The following SHOC1 variants were observed in gnomAD, a reference collection of about 807,000 sequenced individuals.
SHOC1 encodes the protein protein shortage in chiasmata 1 ortholog.
SHOC1 carries 136 observed loss-of-function variants against 179.2 expected under a neutral mutation model. That is an observed-to-expected ratio of 0.76 (90% CI 0.66 to 0.87). SHOC1 has a LOEUF of 0.87. SHOC1 is among the 40% of genes least tolerant of loss of function. The probability of loss-of-function intolerance (pLI) is 0.00; values close to 1 mark genes in which losing one functional copy is unlikely to be tolerated. For missense variants in SHOC1, 1,538 were observed against 1,700.8 expected (o/e 0.90, Z 1.68); for synonymous variants, 489 against 586.6 (o/e 0.83, Z 2.41).
intron 2 of SHOC1, among the ~76,000 whole-genome samples, chr9:111,790,738 G>A (rs1291661074): frequency 2.0e-5 from 3 of 152,044 alleles, no homozygotes; most frequent in Non-Finnish European, 4.4e-5. Flanking sequence ...AGTAGAGACA[G>A]GGTTTCACCA....
At position 111,758,782 on chromosome 9, in the gene SHOC1, G is replaced by C. The variant is rs1332893725; in HGVS notation, c.509C>G (p.Thr170Ser). ...SSRKHLPTLP[T>S]LLSRLKLFLV... ...AAACAGTTTTAGTCTACTCAAGAGA[G>C]TAGGCAAAGTTGGTAGGTGTTTTCT... is the stretch of plus-strand genomic sequence containing the variant. Residue 170 changes from threonine to serine, a missense_variant, in exon 6 of 28, where the codon ACT (threonine) becomes AGT (serine). By Grantham distance (58) the Thr-to-Ser change is moderately conservative (BLOSUM62 1). Transcript: ENST00000682961. The C allele has an allele frequency of 1.3e-6, 2 of 1,598,576 alleles. No individual in the cohort carries two copies. Among genetic ancestry groups the C allele is most frequent in the Non-Finnish European group, 1.7e-6 (2 of 1,170,522 alleles).
At chr9:111,707,080 G>A (rs1360725880) in intron 19 of SHOC1, among the ~76,000 whole-genome samples, 1 of 151,752 alleles carries the variant, frequency 6.6e-6, no homozygotes, top group Non-Finnish European at 1.5e-5. Context: ...ACAAATATAA[G>A]GTCTTAATCT....
Position 111,706,710 on chromosome 9 carries a change from A to G in SHOC1, c.2595T>C (p.Ile865=). The G allele has an allele frequency of 6.2e-7, 1 of 1,607,194 alleles. No individual in the cohort carries two copies. The highest frequency in any genetic ancestry group is 8.5e-7 in the Non-Finnish European group (1 of 1,176,698). ...AATTACTCCAGGGGAAATCTGCTCC[A>G]ATATATTGATTATGTACAACTACAC... The part of the protein sequence containing the change: ...SSCVVVHNQY[I]GADFPWSNFS... Residue 865 remains isoleucine (I), a synonymous_variant, in exon 20 of 28, where the codon ATT becomes ATC. Transcript: ENST00000682961.
chr9:111,794,458 C>A (rs1836557048), intron 1 of SHOC1, among the ~76,000 whole-genome samples: 1 of 152,002 alleles, frequency 6.6e-6, no homozygotes, highest in Non-Finnish European at 1.5e-5. Flanking sequence ...GTGGAGGACG[C>A]CTGTAGTCCC....
intron 7 of SHOC1, among the ~76,000 whole-genome samples, chr9:111,756,993 G>A (rs1834891296): frequency 6.6e-6 from 1 of 152,112 alleles, no homozygotes; most frequent in Non-Finnish European, 1.5e-5. Context: ...GCCTATTGGT[G>A]AATTAACCTT....
intron 23 of SHOC1, 70 bp from the exon 24 acceptor site, chr9:111,700,117 G>T: frequency 2.3e-6 from 2 of 854,696 alleles, no homozygotes; most frequent in Admixed American, 2.6e-5. Context: ...AATTCATTTT[G>T]TTTTCCACAT....
chr9:111,743,699 T>C (rs922839218), intron 10 of SHOC1, among the ~76,000 whole-genome samples: 1 of 152,234 alleles, frequency 6.6e-6, no homozygotes, highest in African/African-American at 2.4e-5. Context: ...GGCTAATTTA[T>C]AAATTAAACT....
chr9:111,719,120 G>T (rs1165595127), intron 15 of SHOC1, among the ~76,000 whole-genome samples: 1 of 152,102 alleles, frequency 6.6e-6, no homozygotes, highest in Non-Finnish European at 1.5e-5. Context: ...GGACTTGTGG[G>T]AACAAGTCAA....
In SHOC1 at chr9:111,686,891, A is replaced by G. The variant is rs1450693860; in HGVS notation, c.4427-21T>C. ...AAAACCTGTTAAAAGGAGAAAAAGG[A>G]AAACCATTTTATTGCTTACAATAGT... On this transcript the variant is annotated intron_variant, in intron 27 of 27. Transcript: ENST00000682961. The G allele has an allele frequency of 2.0e-6, 3 of 1,491,836 alleles. No individual in the cohort carries two copies. The African/African-American group carries it at 4.2e-5, about 21-fold the overall frequency. 92.4% of individuals were successfully genotyped at this position (1,491,836 alleles called of 1,614,324 possible).
At chr9:111,776,547 G>A (rs78670346) in intron 4 of SHOC1, among the ~76,000 whole-genome samples, 28,639 of 152,020 alleles carry the variant, frequency 0.19, 2,893 homozygotes, top group Non-Finnish European at 0.22. Flanking sequence ...GTTCTGTTCC[G>A]TAACCTGGGA....
chr9:111,775,140 G>A (rs922502895), intron 5 of SHOC1, among the ~76,000 whole-genome samples: 1 of 151,974 alleles, frequency 6.6e-6, no homozygotes, highest in Non-Finnish European at 1.5e-5. Flanking sequence ...GATTACAGGT[G>A]CCTGCCACCA....
chr9:111,778,770 CAAAAAA>C (rs11295075), intron 4 of SHOC1, among the ~76,000 whole-genome samples: 1 of 74,006 alleles, frequency 1.4e-5, no homozygotes, highest in Non-Finnish European at 2.6e-5. Context: ...GACTCTGTCT[CAAAAAA>C]AAAAAAAAAA....
chr9:111,723,978 A>T (rs1033577717), intron 13 of SHOC1, 67 bp from the exon 14 acceptor site: 5 of 1,198,144 alleles, frequency 4.2e-6, no homozygotes, highest in Non-Finnish European at 4.6e-6. Flanking sequence ...TTTTACCTTA[A>T]TTTTTTTTCT....
intron 1 of SHOC1, among the ~76,000 whole-genome samples, chr9:111,792,308 C>T (rs891291363): frequency 6.6e-6 from 1 of 152,172 alleles, no homozygotes; most frequent in African/African-American, 2.4e-5. Context: ...CCAGGCCAGG[C>T]ATGTTGGCTC....
chr9:111,773,204 C>A (rs1456165293), intron 5 of SHOC1, among the ~76,000 whole-genome samples: 1 of 152,104 alleles, frequency 6.6e-6, no homozygotes, highest in African/African-American at 2.4e-5. Context: ...GCTTCTGTGC[C>A]ACCATTTTAA....
intron 10 of SHOC1, 49 bp from the exon 11 acceptor site, chr9:111,741,619 G>T: frequency 1.0e-6 from 1 of 964,208 alleles, no homozygotes; most frequent in Non-Finnish European, 1.5e-6. Flanking sequence ...TGAGTCTTTT[G>T]TATAATAAAA....
chr9:111,747,979 C>A, intron 9 of SHOC1, 113 bp downstream of exon 9: 4 of 627,548 alleles, frequency 6.4e-6, no homozygotes, highest in South Asian at 2.6e-5. Flanking sequence ...TATAACAATC[C>A]AATTTTAAAC....
intron 3 of SHOC1, chr9:111,783,455 A>T (rs1836152455): frequency 6.6e-6 from 1 of 152,214 alleles, no homozygotes; most frequent in Non-Finnish European, 1.5e-5. Flanking sequence ...AGCCCAACAC[A>T]TTGGACTACT....
chr9:111,754,009 C>A (rs1038672036), intron 8 of SHOC1, among the ~76,000 whole-genome samples: 5 of 152,102 alleles, frequency 3.3e-5, no homozygotes, highest in African/African-American at 9.7e-5. Context: ...GCATTGTACA[C>A]TTTAAATTTA....
Sources: allele counts gnomAD v4.1 joint callset (sites outside exome capture counted in the v4.1 genomes callset), GRCh38; gene constraint gnomAD v4.1.1; transcripts MANE v1.5; gene names NCBI Gene and HGNC (gene_info 2026-07-23, HGNC 2026-07-21).